Variants in CYP19A1 observed in about 807,000 individuals in gnomAD.
CYP19A1 encodes the protein cytochrome P450 family 19 subfamily A member 1.
CYP19A1 carries 32 observed loss-of-function variants against 44.4 expected under a neutral mutation model. The ratio of observed to expected loss-of-function variants is 0.72; its 90% CI spans 0.54 to 0.97. CYP19A1 has a LOEUF of 0.97. Among genes scored for constraint, CYP19A1 ranks in the 50% least tolerant of loss-of-function variants. CYP19A1 has a pLI of 0.00. For synonymous variants in CYP19A1, 212 were observed against 215.6 expected, an observed-to-expected ratio of 0.98 and a Z score of 0.14; for missense variants, 598 against 637.8, an observed-to-expected ratio of 0.94 and a Z score of 0.67.
Position 51,237,116 on chromosome 15 carries a change from G to T in CYP19A1, c.146-107C>A, listed in dbSNP as rs536314087. 5.7e-6 allele frequency: 7 copies of T among 1,228,552 alleles called. No individual in the cohort carries two copies. In the African/African-American group the frequency reaches 7.5e-5, roughly 13 times the overall value. 76.1% of individuals were successfully genotyped at this position (1,228,552 alleles called of 1,614,324 possible). Reference sequence around the variant, plus strand: ...TTTTATAGCTAAGTGTTCTTTACATGTGATGTATATCTGTGAATCACGAAT... The same window carrying T: ...TTTTATAGCTAAGTGTTCTTTACATTTGATGTATATCTGTGAATCACGAAT... On this transcript the variant is annotated intron_variant, in intron 2 of 9. Transcript: ENST00000396402.
At chr15:51,224,193 A>C (rs2032382495) in intron 4 of CYP19A1, among the ~76,000 whole-genome samples, 1 of 152,090 alleles carries the variant, frequency 6.6e-6, no homozygotes, top group Admixed American at 6.5e-5. Context: ...TCATTGCCTA[A>C]GTTGCACTTA....
chr15:51,297,867 C>T (rs1328508025), intron 1 of CYP19A1, among the ~76,000 whole-genome samples: 2 of 151,282 alleles, frequency 1.3e-5, no homozygotes, highest in African/African-American at 2.4e-5. Flanking sequence ...CACACACACA[C>T]ACCCTAGGCC....
intron 1 of CYP19A1, among the ~76,000 whole-genome samples, chr15:51,329,491 G>A (rs796991786): frequency 2.0e-4 from 31 of 152,300 alleles, no homozygotes; most frequent in African/African-American, 7.5e-4. Flanking sequence ...CCCCCCAAGA[G>A]GTATAATGGG....
intron 1 of CYP19A1, among the ~76,000 whole-genome samples, chr15:51,314,746 A>G (rs2141015790): frequency 6.6e-6 from 1 of 152,162 alleles, no homozygotes; most frequent in East Asian, 1.9e-4. Context: ...GCCCATTGCA[A>G]TTTTTCCTTG....
At chr15:51,229,918 G>A (rs2032897056) in intron 3 of CYP19A1, among the ~76,000 whole-genome samples, 3 of 152,176 alleles carry the variant, frequency 2.0e-5, no homozygotes, top group Admixed American at 2.0e-4. Context: ...TTTAAAAAGA[G>A]AGTAAGAAAC....
rs1210756324 is a variant in CYP19A1 at position 51,212,317 on chromosome 15, T to TA, written c.1263+2dup. On this transcript the variant is annotated splice_region_variant and intron_variant, in intron 9 of 9. Transcript: ENST00000396402. ...ACACTCAGTTTTAAGGAAGGGCTCT[T>TA]ACATTCTTTGCAAAATTTTCAAGAG... The TA allele has an allele frequency of 6.3e-7, 1 of 1,593,066 alleles. No homozygotes were observed. Among genetic ancestry groups the TA allele is most frequent in the Admixed American group, 1.7e-5 (1 of 60,002 alleles).
chr15:51,215,972 AC>A, intron 6 of CYP19A1, 155 bp from the exon 7 acceptor site: 1 of 1,396,156 alleles, frequency 7.2e-7, no homozygotes, highest in Non-Finnish European at 9.6e-7. Flanking sequence ...CTTCATAAAT[AC>A]CCTTAAATTA....
intron 1 of CYP19A1, among the ~76,000 whole-genome samples, chr15:51,244,648 C>T (rs948723035): frequency 2.0e-5 from 3 of 152,016 alleles, no homozygotes; most frequent in African/African-American, 4.8e-5. Context: ...CTTGAAGTTT[C>T]GATTTATATT....
At chr15:51,232,984 TCTC>T (rs1310932178) in intron 3 of CYP19A1, among the ~76,000 whole-genome samples, 1 of 152,242 alleles carries the variant, frequency 6.6e-6, no homozygotes, top group Non-Finnish European at 1.5e-5. Flanking sequence ...GCTTCTCTCA[TCTC>T]CTGTATTCTT....
At position 51,252,582 on chromosome 15, in the gene CYP19A1, T is replaced by C. The variant is rs190287509; in HGVS notation, c.-38-9632A>G. Among the ~76,000 whole-genome samples the C allele has an allele frequency of 2.0e-5, 3 of 152,290 alleles. No individual in the cohort carries two copies. In the East Asian group the frequency reaches 5.8e-4, roughly 29 times the overall value. ...TTTAAGGGGAAAGTGAGGGGCAAAATTGGTACCCTGATATCCCATCTGTGG... is the reference window on the plus strand; with the variant it reads ...TTTAAGGGGAAAGTGAGGGGCAAAACTGGTACCCTGATATCCCATCTGTGG... On this transcript the variant is annotated intron_variant, in intron 1 of 9. Coordinates refer to ENST00000396402, the MANE Select transcript of CYP19A1 (RefSeq NM_000103.4).
At chr15:51,292,781 G>C (rs1359338549) in intron 1 of CYP19A1, among the ~76,000 whole-genome samples, 1 of 151,946 alleles carries the variant, frequency 6.6e-6, no homozygotes, top group East Asian at 1.9e-4. Flanking sequence ...TACACTGGGG[G>C]AAGGTCGGGG....
At chr15:51,231,215 T>G (rs1399695739) in intron 3 of CYP19A1, among the ~76,000 whole-genome samples, 1 of 152,210 alleles carries the variant, frequency 6.6e-6, no homozygotes, top group African/African-American at 2.4e-5. Flanking sequence ...CTTAATCTAA[T>G]TGAGCCTTTA....
At chr15:51,214,520 A>G (rs963883610) in intron 8 of CYP19A1, among the ~76,000 whole-genome samples, 1 of 152,196 alleles carries the variant, frequency 6.6e-6, no homozygotes, top group African/African-American at 2.4e-5. Context: ...CTGGAAGTTC[A>G]TTTGTGAAGG....
At chr15:51,325,315 G>A (rs747746680) in intron 1 of CYP19A1, among the ~76,000 whole-genome samples, 1 of 152,150 alleles carries the variant, frequency 6.6e-6, no homozygotes, top group Non-Finnish European at 1.5e-5. Context: ...GGGTGTAGGA[G>A]TGGTGAGGAC....
At chr15:51,252,236 C>A (rs2034341492) in intron 1 of CYP19A1, among the ~76,000 whole-genome samples, 1 of 152,132 alleles carries the variant, frequency 6.6e-6, no homozygotes, top group Admixed American at 6.5e-5. Context: ...GTGGTGGAAT[C>A]TTGCTCTGGA....
chr15:51,228,025 T>G (rs1339752931), intron 3 of CYP19A1, 92 bp from the exon 4 acceptor site: 2 of 780,502 alleles, frequency 2.6e-6, no homozygotes, highest in Non-Finnish European at 2.4e-6. Flanking sequence ...TCTTAGCAAA[T>G]GCATGTTGCT....
intron 1 of CYP19A1, among the ~76,000 whole-genome samples, chr15:51,335,338 G>C (rs1429696208): frequency 6.6e-6 from 1 of 152,168 alleles, no homozygotes. Flanking sequence ...GTTGTTACCA[G>C]CCCGACTTGG....
intron 1 of CYP19A1, among the ~76,000 whole-genome samples, chr15:51,243,700 A>G (rs1159612392): frequency 1.3e-5 from 2 of 152,258 alleles, no homozygotes; most frequent in Non-Finnish European, 2.9e-5. Flanking sequence ...AAGAGAGAAC[A>G]GGCAGAATAG....
chr15:51,244,738 G>C (rs1370104393), intron 1 of CYP19A1, among the ~76,000 whole-genome samples: 4 of 152,292 alleles, frequency 2.6e-5, no homozygotes, highest in Admixed American at 6.5e-5. Flanking sequence ...CCCACAGGAA[G>C]TGATCCCAGC....
Sources: gnomAD v4.1 joint callset for allele counts (sites outside exome capture counted in the v4.1 genomes callset) on GRCh38, gnomAD v4.1.1 for gene constraint, MANE v1.5 for transcripts, NCBI Gene and HGNC (gene_info 2026-07-23, HGNC 2026-07-21) for gene names.